Variants in BICRA observed in about 807,000 individuals in gnomAD.
BICRA encodes the protein BRD4 interacting chromatin remodeling complex associated protein.
Under a neutral mutation model 96.9 loss-of-function variants are expected in BICRA, and 31 were observed. That is an observed-to-expected ratio of 0.32 (90% CI 0.24 to 0.43). The LOEUF (loss-of-function observed/expected upper bound fraction) is 0.43, where lower values mean the gene tolerates loss of function less well. Ranked by LOEUF, BICRA falls within the 20% of genes least tolerant of loss-of-function variation. The pLI, the probability that BICRA is intolerant of heterozygous loss-of-function variation, is 1.00. For synonymous variants in BICRA, 1,350 were observed against 1,071.8 expected, an observed-to-expected ratio of 1.26 and a Z score of -5.07; for missense variants, 2,283 against 2,190.3, an observed-to-expected ratio of 1.04 and a Z score of -0.84.
Position 47,698,632 on chromosome 19 carries a change from A to G in BICRA, c.3249-2A>G. 9.1e-7 allele frequency: 1 copy of G among 1,093,344 alleles called. No individual in the cohort carries two copies. Among genetic ancestry groups the G allele is most frequent in the Non-Finnish European group, 1.3e-6 (1 of 794,444 alleles). The allele number at this position is 1,093,344 out of a possible 1,614,324, so 67.7% of individuals were successfully genotyped here. A position where few individuals can be genotyped will look rare whatever the true frequency, so the allele number is the denominator to read the frequency against. ...TGTGGTCTCTCCCCTTTCCACCCGCAGTTTCCTGGAGCATTTGCACAAACA... is the reference window on the plus strand; with the variant it reads ...TGTGGTCTCTCCCCTTTCCACCCGCGGTTTCCTGGAGCATTTGCACAAACA... On this transcript the variant is annotated splice_acceptor_variant, in intron 11 of 14. Coordinates refer to ENST00000594866, the MANE Select transcript of BICRA (RefSeq NM_001394372.1). LOFTEE classifies it high-confidence loss of function. The surrounding 1 kb of genome is among the most constrained non-coding windows in gnomAD (Gnocchi z 4.8).
intron 7 of BICRA, among the ~76,000 whole-genome samples, chr19:47,689,447 G>C (rs1177546252): frequency 1.3e-5 from 2 of 151,260 alleles, no homozygotes; most frequent in Non-Finnish European, 3.0e-5. Flanking sequence ...GTCTCTCTCT[G>C]TCGCCCAGGC....
At chr19:47,626,564 T>C (rs1972142373) in intron 1 of BICRA, among the ~76,000 whole-genome samples, 1 of 142,434 alleles carries the variant, frequency 7.0e-6, no homozygotes. Context: ...GGCCCGCTAA[T>C]TTTTTGGTTT....
At chr19:47,635,668 C>G (rs1972290990) in intron 1 of BICRA, among the ~76,000 whole-genome samples, 1 of 151,908 alleles carries the variant, frequency 6.6e-6, no homozygotes, top group South Asian at 2.1e-4. Flanking sequence ...ATTGAATTCC[C>G]TACTCTAGGC....
chr19:47,679,046 A>C (rs1317567480), intron 5 of BICRA: 1 of 300,808 alleles, frequency 3.3e-6, no homozygotes, highest in East Asian at 5.5e-5. Flanking sequence ...GACCACAGGC[A>C]CATGCTGCCA....
At chr19:47,697,017 G>GA (rs775775584) in intron 11 of BICRA, among the ~76,000 whole-genome samples, 1 of 150,632 alleles carries the variant, frequency 6.6e-6, no homozygotes, top group East Asian at 2.0e-4. Flanking sequence ...TTTTAGGGGG[G>GA]GTTCTTTGAG....
At chr19:47,669,782 G>C (rs949821732) in intron 1 of BICRA, among the ~76,000 whole-genome samples, 1 of 144,516 alleles carries the variant, frequency 6.9e-6, no homozygotes, top group Non-Finnish European at 1.5e-5. Context: ...TCAGCCTCCC[G>C]AGTAGCTGGG....
chr19:47,625,298 C>CT (rs577643609), intron 1 of BICRA, among the ~76,000 whole-genome samples: 40,274 of 136,168 alleles, frequency 0.3, 5,861 homozygotes, highest in Non-Finnish European at 0.33. Flanking sequence ...CCAACCTGGC[C>CT]TTTTTTTTTT....
At position 47,701,481 on chromosome 19, in the gene BICRA, A is replaced by G. The variant is rs377169292; in HGVS notation, c.3749A>G (p.His1250Arg). 1.3e-6 allele frequency: 2 copies of G among 1,551,368 alleles called. No individual in the cohort carries two copies. The highest frequency in any genetic ancestry group is 1.7e-6 in the Non-Finnish European group (2 of 1,148,572). ...PHLPTKLVIR[H>R]GGAGGSPSVT... The stretch of plus-strand genomic sequence containing the variant: ...CTGCCCACCAAGCTTGTGATCCGGC[A>G]CGGCGGGGCAGGCGGCTCCCCTTCG... The change falls in exon 15 of 15, where the codon CAC becomes CGC. Residue 1250 changes from histidine (H) to arginine (R), a missense_variant. Physicochemically the swap from His to Arg is conservative, Grantham distance 29. Transcript: ENST00000594866. The surrounding 1 kb of genome is among the most constrained non-coding windows in gnomAD (Gnocchi z 5.4).
At chr19:47,677,524 C>G (rs1972959843) in intron 5 of BICRA, among the ~76,000 whole-genome samples, 1 of 152,042 alleles carries the variant, frequency 6.6e-6, no homozygotes, top group South Asian at 2.1e-4. Context: ...TGGAGAAACC[C>G]TGTCTCTACC....
intron 7 of BICRA, among the ~76,000 whole-genome samples, chr19:47,693,686 C>G (rs930544141): frequency 6.6e-6 from 1 of 152,204 alleles, no homozygotes; most frequent in African/African-American, 2.4e-5. Context: ...CCTCCTTCCC[C>G]GCTGCTGTGC....
At chr19:47,678,719 T>C (rs889604720) in intron 5 of BICRA, among the ~76,000 whole-genome samples, 2 of 147,952 alleles carry the variant, frequency 1.4e-5, no homozygotes, top group African/African-American at 5.0e-5. Context: ...CGTGAGTCAC[T>C]GTGGCCTTGA....
Position 47,701,506 on chromosome 19 carries a change from G to C in BICRA, c.3774G>C (p.Ser1258=), listed in dbSNP as rs1462252827. 2 of 1,547,848 alleles carry C rather than the reference G, an allele frequency of 1.3e-6. No homozygotes were observed. The highest frequency in any genetic ancestry group is 2.0e-5 in the Admixed American group (1 of 50,974). The change falls in exon 15 of 15, where the codon TCG becomes TCC. Residue 1258 remains serine (S), a synonymous_variant. Coordinates refer to ENST00000594866, the MANE Select transcript of BICRA (RefSeq NM_001394372.1). The surrounding 1 kb of genome is among the most constrained non-coding windows in gnomAD (Gnocchi z 5.4). ...IRHGGAGGSP[S]VTWARASSSL... is the part of the protein sequence containing the mutation. ...ACGGCGGGGCAGGCGGCTCCCCTTC[G>C]GTCACCTGGGCCCGGGCGTCCTCCT...
At chr19:47,674,543 C>A (rs1018928217) in intron 4 of BICRA, among the ~76,000 whole-genome samples, 3 of 152,104 alleles carry the variant, frequency 2.0e-5, no homozygotes, top group Non-Finnish European at 2.9e-5. Context: ...AGAGCTCTTG[C>A]AGTGTCTGAA....
At chr19:47,663,538 A>G (rs2123563773) in intron 1 of BICRA, 1 of 152,332 alleles carries the variant, frequency 6.6e-6, no homozygotes, top group South Asian at 2.1e-4. Flanking sequence ...AAGCAGGAGC[A>G]AAAGACTGTC....
At position 47,698,687 on chromosome 19, in the gene BICRA, A is replaced by G. The variant is rs530374154; in HGVS notation, c.3302A>G (p.Lys1101Arg). The G allele has an allele frequency of 1.9e-6, 3 of 1,589,784 alleles. No homozygotes were observed. Among genetic ancestry groups the G allele is most frequent in the South Asian group, 2.2e-5 (2 of 90,656 alleles). The stretch of plus-strand genomic sequence containing the variant: ...GGCTCCGTCCTGCACCCCGACTACA[A>G]GACGGCCTTCCCCTCCTTTGAGGAC... ...HQGSVLHPDY[K>R]TAFPSFEDAL... Residue 1101 changes from lysine to arginine, a missense_variant, in exon 12 of 15, where the codon AAG (lysine) becomes AGG (arginine). Transcript: ENST00000594866. This position sits in a 1 kb window ranked among gnomAD's most constrained non-coding sequence, Gnocchi z 4.8.
chr19:47,659,459 G>C (rs535248104), intron 1 of BICRA, among the ~76,000 whole-genome samples: 1 of 152,142 alleles, frequency 6.6e-6, no homozygotes, highest in African/African-American at 2.4e-5. Flanking sequence ...CTCTTACGGG[G>C]CTTTTTCATG....
At chr19:47,631,976 T>A (rs1972228512) in intron 1 of BICRA, among the ~76,000 whole-genome samples, 1 of 152,124 alleles carries the variant, frequency 6.6e-6, no homozygotes, top group Non-Finnish European at 1.5e-5. Flanking sequence ...AATGGAATAT[T>A]TTAGTGTTCC....
upstream of BICRA, among the ~76,000 whole-genome samples, chr19:47,608,893 GTTTTTT>G (rs368469481): frequency 7.7e-6 from 1 of 129,474 alleles, no homozygotes; most frequent in Non-Finnish European, 1.6e-5. Flanking sequence ...AACCTGAGAG[GTTTTTT>G]TTTTTTTTTT....
chr19:47,685,799 G>GCGCGCGCACGCGCA (rs141802949), intron 7 of BICRA, among the ~76,000 whole-genome samples: 38 of 148,846 alleles, frequency 2.6e-4, no homozygotes, highest in Non-Finnish European at 4.6e-4. Flanking sequence ...GCGCGCGCGC[G>GCGCGCGCACGCGCA]CATGCGTACA....
Sources: allele counts gnomAD v4.1 joint callset (sites outside exome capture counted in the v4.1 genomes callset), GRCh38; gene constraint gnomAD v4.1.1; non-coding constraint Gnocchi (gnomAD v3.1); transcripts MANE v1.5; gene names NCBI Gene and HGNC (gene_info 2026-07-23, HGNC 2026-07-21).